SEL1L3: variants seen among roughly 807,000 people sequenced by gnomAD.
SEL1L3 encodes the protein protein sel-1 homolog 3.
A neutral mutation model predicts 142.8 loss-of-function variants in SEL1L3; 76 were observed. The observed-to-expected ratio is 0.53, with a 90% CI of 0.44 to 0.64. SEL1L3 has a LOEUF of 0.64. SEL1L3 is among the 30% of genes least tolerant of loss of function. SEL1L3 has a pLI of 0.00. For missense variants in SEL1L3, 1,262 were observed against 1,381.7 expected (o/e 0.91, Z 1.37); for synonymous variants, 504 against 519.6 (o/e 0.97, Z 0.41).
the SEL1L3 span, among the ~76,000 whole-genome samples, chr4:25,739,410 C>G: frequency 1.3e-5 from 2 of 151,890 alleles, no homozygotes; most frequent in South Asian, 4.2e-4. Flanking sequence ...TGATTTAAAA[C>G]CATGTGTGTA....
intron 9 of SEL1L3, among the ~76,000 whole-genome samples, chr4:25,814,908 A>C (rs558334878): frequency 3.3e-5 from 5 of 152,208 alleles, no homozygotes; most frequent in African/African-American, 1.2e-4. Context: ...GCACTGTGCC[A>C]GGTAGAGAGA....
intron 3 of SEL1L3, among the ~76,000 whole-genome samples, chr4:25,834,460 G>C (rs1003657203): frequency 7.2e-5 from 11 of 152,182 alleles, no homozygotes; most frequent in African/African-American, 2.7e-4. Flanking sequence ...TTACAGTTTG[G>C]GTTAAAGTGA....
chr4:25,736,971 C>CTTTTTTTTTTTTT, the SEL1L3 span, among the ~76,000 whole-genome samples: 1 of 149,450 alleles, frequency 6.7e-6, no homozygotes. Context: ...ATATGCTACT[C>CTTTTTTTTTTTTT]TTTTTTTTTC....
At chr4:25,722,623 G>GATTTTTTTT in the SEL1L3 span, among the ~76,000 whole-genome samples, 148 of 125,066 alleles carry the variant, frequency 1.2e-3, 8 homozygotes, top group Middle Eastern at 0.012. Context: ...TCCAAAGGAG[G>GATTTTTTTT]CTTTTTTTTT....
In SEL1L3 at chr4:25,832,999, C is replaced by G. The variant is rs1187504627; in HGVS notation, c.1094G>C (p.Gly365Ala). ...ATGAAGCGTGCATACAGATACCTGG[C>G]CTCCGTTAAAAGAGATATCCAGTCG... is the stretch of plus-strand genomic sequence containing the variant. ...WFRLDISFNG[G>A]QIVVTTSIGQ... The change falls in exon 5 of 24, where the codon GGC (glycine) becomes GCC (alanine). Residue 365 changes from glycine to alanine, a missense_variant. This residue lies in a region of SEL1L3 where 689 missense variants were observed against 692.8 expected (regional missense o/e 0.99). Coordinates refer to ENST00000399878, the MANE Select transcript of SEL1L3 (RefSeq NM_015187.5). The G allele has an allele frequency of 6.3e-7, 1 of 1,574,908 alleles. No homozygotes were observed.
intron 12 of SEL1L3, among the ~76,000 whole-genome samples, chr4:25,789,045 G>A (rs1712079790): frequency 6.6e-6 from 1 of 152,200 alleles, no homozygotes; most frequent in Non-Finnish European, 1.5e-5. Context: ...CATTCCCAGA[G>A]CTATACATTG....
the SEL1L3 span, among the ~76,000 whole-genome samples, chr4:25,730,898 G>A: frequency 6.6e-6 from 1 of 152,154 alleles, no homozygotes; most frequent in African/African-American, 2.4e-5. Context: ...GCGTGGTGGT[G>A]CATGCATCTG....
At chr4:25,850,183 G>A (rs747476502) in intron 1 of SEL1L3, among the ~76,000 whole-genome samples, 8 of 152,136 alleles carry the variant, frequency 5.3e-5, no homozygotes, top group East Asian at 3.9e-4. Context: ...CCAGCCCAAC[G>A]AATGTGAACT....
the SEL1L3 span, among the ~76,000 whole-genome samples, chr4:25,740,432 CAAA>C: frequency 2.5e-5 from 3 of 122,096 alleles, no homozygotes; most frequent in Non-Finnish European, 3.6e-5. Context: ...GACTCCATCT[CAAA>C]AAAAAAAAAA....
intron 23 of SEL1L3, among the ~76,000 whole-genome samples, chr4:25,752,108 C>CAAA (rs758727448): frequency 0.019 from 1,845 of 99,364 alleles, 80 homozygotes; most frequent in African/African-American, 0.065. Flanking sequence ...GACTCCATCT[C>CAAA]AAAAAAAAAA....
intron 6 of SEL1L3, among the ~76,000 whole-genome samples, chr4:25,824,238 T>C (rs1340616160): frequency 6.6e-6 from 1 of 152,068 alleles, no homozygotes; most frequent in Non-Finnish European, 1.5e-5. Context: ...GGGCACTAGA[T>C]GGATACAAAG....
chr4:25,817,978 T>C (rs1415144695), intron 9 of SEL1L3, among the ~76,000 whole-genome samples, 160 bp downstream of exon 9: 1 of 152,072 alleles, frequency 6.6e-6, no homozygotes, highest in Non-Finnish European at 1.5e-5. Context: ...ATATCGAGAG[T>C]TGTGGACATA....
rs1230658756 is a variant in SEL1L3 at position 25,748,022 on chromosome 4, G to C, written c.*403C>G. 4.8e-5 allele frequency: 8 copies of C among 167,118 alleles called. No individual in the cohort carries two copies. Among genetic ancestry groups the C allele is most frequent in the Non-Finnish European group, 1.0e-4 (8 of 77,120 alleles). 10.4% of individuals were successfully genotyped at this position (167,118 alleles called of 1,614,324 possible). ...GTACCAAAATATTATCCACCTTGTAGAGTAGTCATAATTTTCTGTTCTTCA... is the reference window on the plus strand; with the variant it reads ...GTACCAAAATATTATCCACCTTGTACAGTAGTCATAATTTTCTGTTCTTCA... On this transcript the variant is annotated 3_prime_UTR_variant, in exon 24 of 24. Coordinates refer to ENST00000399878, the MANE Select transcript of SEL1L3 (RefSeq NM_015187.5).
chr4:25,737,897 TTTG>T, the SEL1L3 span, among the ~76,000 whole-genome samples: 1 of 151,730 alleles, frequency 6.6e-6, no homozygotes, highest in Non-Finnish European at 1.5e-5. Flanking sequence ...TGCCTTTTTT[TTTG>T]TTTGTTTGAG....
At chr4:25,862,345 G>T (rs1169726393) in intron 1 of SEL1L3, among the ~76,000 whole-genome samples, 1 of 151,758 alleles carries the variant, frequency 6.6e-6, no homozygotes, top group Admixed American at 6.6e-5. Flanking sequence ...GCGGCGGGGC[G>T]GGGAGCGAAC....
At chr4:25,842,386 G>T (rs1211410970) in intron 2 of SEL1L3, among the ~76,000 whole-genome samples, 4 of 152,042 alleles carry the variant, frequency 2.6e-5, no homozygotes, top group African/African-American at 9.7e-5. Context: ...TTCGTGGGCA[G>T]GGGGAGTCGG....
At chr4:25,844,967 G>A (rs1174812442) in intron 2 of SEL1L3, among the ~76,000 whole-genome samples, 2 of 147,954 alleles carry the variant, frequency 1.4e-5, no homozygotes, top group African/African-American at 5.0e-5. Flanking sequence ...TTCATTTAAA[G>A]CACTGCACAA....
At chr4:25,806,729 C>T (rs1713602628) in intron 9 of SEL1L3, among the ~76,000 whole-genome samples, 1 of 152,082 alleles carries the variant, frequency 6.6e-6, no homozygotes, top group African/African-American at 2.4e-5. Flanking sequence ...CCTGGTTCTG[C>T]TTTTGCTTTT....
chr4:25,860,960 GTC>G lies in SEL1L3; in HGVS notation c.162+1713_162+1714del, dbSNP rs1258422686. Among the ~76,000 whole-genome samples, 8 of 152,070 alleles carry G rather than the reference GTC, an allele frequency of 5.3e-5. No individual in the cohort carries two copies. The East Asian group carries it at 1.5e-3, about 29-fold the overall frequency. On this transcript the variant is annotated intron_variant, in intron 1 of 23. Transcript: ENST00000399878. Reference sequence around the variant, plus strand: ...AGGAATACTTGCTCCATCATTATCTGTCTCTGTTTCCAGAGTCCACTTAGGCC... The same window carrying G: ...AGGAATACTTGCTCCATCATTATCTGTCTGTTTCCAGAGTCCACTTAGGCC...
Sources: allele counts gnomAD v4.1 joint callset (sites outside exome capture counted in the v4.1 genomes callset), GRCh38; gene constraint gnomAD v4.1.1; regional missense constraint gnomAD v4.1.1; transcripts MANE v1.5; gene names NCBI Gene and HGNC (gene_info 2026-07-23, HGNC 2026-07-21).